The following IWS1 variants were observed in gnomAD, a reference collection of about 807,000 sequenced individuals.
The protein encoded by IWS1 is interacts with SUPT6H, CTD assembly factor 1.
Under a neutral mutation model 86.7 loss-of-function variants are expected in IWS1, and 27 were observed. The observed-to-expected ratio is 0.31, with a 90% CI of 0.23 to 0.43. The LOEUF (loss-of-function observed/expected upper bound fraction) is 0.43. Ranked by LOEUF, IWS1 falls within the 20% of genes least tolerant of loss-of-function variation. The probability of loss-of-function intolerance (pLI) is 1.00; values close to 1 mark genes in which losing one functional copy is unlikely to be tolerated. For missense variants in IWS1, 827 were observed against 1,000.8 expected (o/e 0.83, Z 2.34); for synonymous variants, 313 against 335.1 (o/e 0.93, Z 0.72).
chr2:127,493,739 A>T (rs1690357417), intron 8 of IWS1, among the ~76,000 whole-genome samples: 1 of 151,246 alleles, frequency 6.6e-6, no homozygotes, highest in Non-Finnish European at 1.5e-5. Flanking sequence ...CGTTCAATCT[A>T]TCAAAATAGT....
Position 127,498,120 on chromosome 2 carries a change from T to C in IWS1, c.1565+20A>G. Reference sequence around the variant, plus strand: ...GATTTTTAAACTTCTCTTTAACAAATTCCTTAAAAACAAACTTACTGTTTT... The same window carrying C: ...GATTTTTAAACTTCTCTTTAACAAACTCCTTAAAAACAAACTTACTGTTTT... On this transcript the variant is annotated intron_variant, in intron 6 of 13. Coordinates refer to ENST00000295321, the MANE Select transcript of IWS1 (RefSeq NM_017969.3). 1.9e-6 allele frequency: 3 copies of C among 1,543,188 alleles called. No homozygotes were observed. The highest frequency in any genetic ancestry group is 2.7e-6 in the Non-Finnish European group (3 of 1,121,404).
intron 13 of IWS1, among the ~76,000 whole-genome samples, chr2:127,483,779 G>A (rs777561): frequency 0.15 from 22,073 of 151,814 alleles, 2,873 homozygotes; most frequent in African/African-American, 0.34. Context: ...ACAGATGTAT[G>A]CCACCATGCC....
intron 5 of IWS1, 43 bp downstream of exon 5, chr2:127,502,772 A>G: frequency 8.7e-7 from 1 of 1,145,116 alleles, no homozygotes; most frequent in Non-Finnish European, 1.3e-6. Flanking sequence ...AAACACCAAA[A>G]AAAAGCACAA....
chr2:127,514,646 C>T (rs1236430746), intron 2 of IWS1: 1 of 152,282 alleles, frequency 6.6e-6, no homozygotes, highest in African/African-American at 2.4e-5. Flanking sequence ...GACACCGGTG[C>T]CTTCTATGGA....
At chr2:127,506,408 A>C (rs1166563237) in intron 2 of IWS1, among the ~76,000 whole-genome samples, 1 of 152,154 alleles carries the variant, frequency 6.6e-6, no homozygotes, top group Non-Finnish European at 1.5e-5. Context: ...CTATTTTTCA[A>C]AGAAATACAA....
At chr2:127,513,625 T>C (rs565071272) in intron 2 of IWS1, among the ~76,000 whole-genome samples, 5 of 152,234 alleles carry the variant, frequency 3.3e-5, no homozygotes, top group Non-Finnish European at 7.3e-5. Context: ...CGCAAGGTTC[T>C]TCTAAATCTT....
chr2:127,505,635 G>C lies in IWS1; in HGVS notation c.268C>G (p.Gln90Glu), dbSNP rs1357743042. 1 of 1,548,510 alleles carries C rather than the reference G, an allele frequency of 6.5e-7. No homozygotes were observed. ...SDSESEELHR[Q>E]KDSDSESEER... Reference sequence around the variant, plus strand: ...TCAGATTCAGAGTCGCTGTCCTTTTGCCTGTGAAGCTCCTCACTTTCAGAG... The same window carrying C: ...TCAGATTCAGAGTCGCTGTCCTTTTCCCTGTGAAGCTCCTCACTTTCAGAG... Residue 90 changes from glutamine (Q) to glutamate (E), a missense_variant, in exon 3 of 14, where the codon CAA becomes GAA. Gln to Glu is a conservative substitution (Grantham distance 29). This residue lies in a region of IWS1 where 548 missense variants were observed against 560.2 expected (regional missense o/e 0.98). Transcript: ENST00000295321. This position sits in a 1 kb window ranked among gnomAD's most constrained non-coding sequence, Gnocchi z 5.0.
At position 127,526,467 on chromosome 2, in the gene IWS1, C is replaced by T. The variant is rs542211120; in HGVS notation, c.-259G>A. The T allele has an allele frequency of 8.5e-6, 13 of 1,529,484 alleles. No homozygotes were observed. Among genetic ancestry groups the T allele is most frequent in the Middle Eastern group, 1.7e-4 (1 of 5,876 alleles). 94.7% of individuals were successfully genotyped at this position (1,529,484 alleles called of 1,614,324 possible). A position where few individuals can be genotyped will look rare whatever the true frequency, so the allele number is the denominator to read the frequency against. On this transcript the variant is annotated 5_prime_UTR_variant, in exon 1 of 14. In the 5' UTR this introduces an upstream ATG that the reference lacks. Transcript: ENST00000295321. ...GCCGGCGTTCTACTTCCTAGAAGCACCGCTGGGGCCAAAATGGCGTCTGCC... is the reference window on the plus strand; with the variant it reads ...GCCGGCGTTCTACTTCCTAGAAGCATCGCTGGGGCCAAAATGGCGTCTGCC...
intron 13 of IWS1, 160 bp downstream of exon 13, chr2:127,486,393 C>T (rs1689932805): frequency 1.8e-6 from 1 of 570,622 alleles, no homozygotes; most frequent in African/African-American, 1.9e-5. Flanking sequence ...TTTCCTTTCT[C>T]TATTGCTCAA....
At chr2:127,497,828 C>T (rs1478431756) in intron 6 of IWS1, among the ~76,000 whole-genome samples, 1 of 152,170 alleles carries the variant, frequency 6.6e-6, no homozygotes, top group Non-Finnish European at 1.5e-5. Flanking sequence ...TGCCCCACAA[C>T]ATCAGCTTGT....
At chr2:127,526,107 G>T in intron 1 of IWS1, 68 bp downstream of exon 1, 3 of 1,488,478 alleles carry the variant, frequency 2.0e-6, no homozygotes, top group Non-Finnish European at 2.7e-6. Flanking sequence ...CACCCGCGGG[G>T]TGCCAGGCCA....
chr2:127,526,724 G>T, upstream of IWS1: 1 of 1,281,464 alleles, frequency 7.8e-7, no homozygotes, highest in Non-Finnish European at 1.0e-6. Context: ...TCCGTGCCTT[G>T]TTTGAAGAGC....
intron 2 of IWS1, among the ~76,000 whole-genome samples, chr2:127,508,095 G>A (rs1213788920): frequency 6.6e-6 from 1 of 152,272 alleles, no homozygotes; most frequent in South Asian, 2.1e-4. Flanking sequence ...TTTGTTAAAT[G>A]AGTAATAAAG....
chr2:127,498,259 C>T (rs142939618), intron 5 of IWS1, 22 bp from the exon 6 acceptor site: 1 of 1,600,770 alleles, frequency 6.2e-7, no homozygotes, highest in African/African-American at 1.3e-5. Context: ...ATTATCACAA[C>T]CTCCTTACAG....
intron 2 of IWS1, among the ~76,000 whole-genome samples, chr2:127,508,079 C>T (rs1206575558): frequency 6.6e-6 from 1 of 152,026 alleles, no homozygotes; most frequent in African/African-American, 2.4e-5. Context: ...GGATACTCAA[C>T]GTGTATTTGT....
At chr2:127,515,984 T>C (rs1691747396) in intron 2 of IWS1, among the ~76,000 whole-genome samples, 1 of 152,144 alleles carries the variant, frequency 6.6e-6, no homozygotes, top group Non-Finnish European at 1.5e-5. Flanking sequence ...CAACCCTCAC[T>C]TGCTTAAAGA....
In IWS1 at chr2:127,503,541, C is replaced by T; in HGVS notation, c.1255G>A (p.Asp419Asn). 5 of 1,609,764 alleles carry T rather than the reference C, an allele frequency of 3.1e-6. No individual in the cohort carries two copies. Among genetic ancestry groups the T allele is most frequent in the Non-Finnish European group, 4.2e-6 (5 of 1,177,846 alleles). ...KKSRVVSDADDSDSDAVSDKS... is the reference protein window; with the variant it reads ...KKSRVVSDADNSDSDAVSDKS... ...TCTGATACAGCATCACTGTCAGAGT[C>T]ATCTGCATCAGAGACAACACGACTC... Residue 419 changes from aspartate to asparagine, a missense_variant, in exon 4 of 14, where the codon GAC (aspartate) becomes AAC (asparagine). Around this residue, in one of 2 missense-constraint regions of IWS1, gnomAD observed 548 missense variants for 560.2 expected, o/e 0.98. Coordinates refer to ENST00000295321, the MANE Select transcript of IWS1 (RefSeq NM_017969.3).
At chr2:127,502,656 CT>C (rs1468179087) in intron 5 of IWS1, 158 bp downstream of exon 5, 17 of 459,134 alleles carry the variant, frequency 3.7e-5, no homozygotes, top group African/African-American at 3.4e-4. Context: ...TGTATATACG[CT>C]TTCATTTTAC....
intron 10 of IWS1, 78 bp from the exon 11 acceptor site, chr2:127,490,021 G>A: frequency 1.3e-6 from 1 of 786,412 alleles, no homozygotes; most frequent in South Asian, 1.4e-5. Flanking sequence ...ACCCCAGTGT[G>A]AGGGGATATT....
Sources: gnomAD v4.1 joint callset for allele counts (sites outside exome capture counted in the v4.1 genomes callset) on GRCh38, gnomAD v4.1.1 for gene constraint, gnomAD v4.1.1 regional missense constraint, Gnocchi (gnomAD v3.1) non-coding constraint, MANE v1.5 for transcripts, NCBI Gene and HGNC (gene_info 2026-07-23, HGNC 2026-07-21) for gene names.